MAN1A1: variants seen among roughly 807,000 people sequenced by gnomAD.
MAN1A1 encodes mannosyl-oligosaccharide 1,2-alpha-mannosidase IA.
MAN1A1 carries 29 observed loss-of-function variants against 70.8 expected under a neutral mutation model. The ratio of observed to expected loss-of-function variants is 0.41; its 90% CI spans 0.31 to 0.56. The LOEUF (loss-of-function observed/expected upper bound fraction) is 0.56, where lower values mean the gene tolerates loss of function less well. MAN1A1 is among the 20% of genes least tolerant of loss of function. The pLI is 0.29. For missense variants in MAN1A1, 747 were observed against 841.3 expected, an observed-to-expected ratio of 0.89 and a Z score of 1.39; for synonymous variants, 349 against 330.1, an observed-to-expected ratio of 1.06 and a Z score of -0.62.
At chr6:119,314,170 C>T (rs1772787804) in intron 2 of MAN1A1, among the ~76,000 whole-genome samples, 1 of 152,202 alleles carries the variant, frequency 6.6e-6, no homozygotes, top group African/African-American at 2.4e-5. Flanking sequence ...CCCTTCAGGG[C>T]CAGCTTCCCG....
At chr6:119,297,735 C>CTTTTT (rs386408421) in intron 4 of MAN1A1, among the ~76,000 whole-genome samples, 6 of 95,686 alleles carry the variant, frequency 6.3e-5, no homozygotes, top group East Asian at 3.1e-4. Context: ...AAATAGTTTC[C>CTTTTT]TTTTTTTTTT....
intron 2 of MAN1A1, among the ~76,000 whole-genome samples, chr6:119,345,353 T>C (rs1773699771): frequency 6.6e-6 from 1 of 152,216 alleles, no homozygotes. Context: ...GAGTACAATT[T>C]TAAGATCAAA....
At chr6:119,317,421 A>G (rs1428362060) in intron 2 of MAN1A1, among the ~76,000 whole-genome samples, 2 of 152,158 alleles carry the variant, frequency 1.3e-5, no homozygotes, top group Non-Finnish European at 2.9e-5. Flanking sequence ...CCAGTAATTT[A>G]CTGTCTGCAT....
At chr6:119,199,877 G>A (rs1307191771) in intron 8 of MAN1A1, among the ~76,000 whole-genome samples, 1 of 151,904 alleles carries the variant, frequency 6.6e-6, no homozygotes, top group Non-Finnish European at 1.5e-5. Context: ...GCAATGAGCT[G>A]AGATTATGAC....
chr6:119,227,453 C>T (rs939974689), intron 6 of MAN1A1, among the ~76,000 whole-genome samples: 32 of 152,120 alleles, frequency 2.1e-4, no homozygotes, highest in Non-Finnish European at 2.6e-4. Flanking sequence ...AAAGCAAAAA[C>T]GAATGGAACG....
chr6:119,347,766 G>T (rs930108304), intron 2 of MAN1A1, among the ~76,000 whole-genome samples: 2 of 152,194 alleles, frequency 1.3e-5, no homozygotes, highest in Non-Finnish European at 1.5e-5. Context: ...AGGAAATTAG[G>T]AAAGATGTAT....
At chr6:119,180,258 C>A in intron 12 of MAN1A1, 54 bp downstream of exon 12, 2 of 1,217,370 alleles carry the variant, frequency 1.6e-6, no homozygotes, top group Non-Finnish European at 2.4e-6. Flanking sequence ...AAGACATCTA[C>A]AAAGATCTGT....
chr6:119,342,768 T>C (rs923158201), intron 2 of MAN1A1, among the ~76,000 whole-genome samples: 2 of 152,198 alleles, frequency 1.3e-5, no homozygotes, highest in African/African-American at 4.8e-5. Flanking sequence ...TTAGGTTAGC[T>C]GTCATTCTTC....
In MAN1A1 at chr6:119,178,926, A is replaced by G. The variant is rs1027601430; in HGVS notation, c.*893T>C. 6.6e-6 allele frequency: 1 copy of G among 152,132 alleles called. No individual in the cohort carries two copies. The highest frequency in any genetic ancestry group is 2.4e-5 in the African/African-American group (1 of 41,438). The allele number at this position is 152,132 out of a possible 1,614,324, so 9.4% of individuals were successfully genotyped here. A position where few individuals can be genotyped will look rare whatever the true frequency, so the allele number is the denominator to read the frequency against. Reference sequence around the variant, plus strand: ...ACAAGTGAACTAAAAGCCATATGAAATACCCTCTCTTTAGACAGACCCAAT... The same window carrying G: ...ACAAGTGAACTAAAAGCCATATGAAGTACCCTCTCTTTAGACAGACCCAAT... On this transcript the variant is annotated 3_prime_UTR_variant, in exon 13 of 13. Transcript: ENST00000368468.
chr6:119,195,702 C>T (rs775612559), intron 8 of MAN1A1, among the ~76,000 whole-genome samples: 1 of 152,118 alleles, frequency 6.6e-6, no homozygotes, highest in Non-Finnish European at 1.5e-5. Context: ...AAATAACTGA[C>T]GAACAAAGCA....
chr6:119,208,654 A>G (rs955917520), intron 6 of MAN1A1, among the ~76,000 whole-genome samples: 1 of 152,248 alleles, frequency 6.6e-6, no homozygotes, highest in Non-Finnish European at 1.5e-5. Flanking sequence ...AAGGAACCAC[A>G]GTACTAATGG....
At chr6:119,269,948 A>T (rs959563037) in intron 5 of MAN1A1, among the ~76,000 whole-genome samples, 2 of 152,200 alleles carry the variant, frequency 1.3e-5, no homozygotes, top group Admixed American at 1.3e-4. Flanking sequence ...TGCATGCTTC[A>T]CTGCCCATGG....
intron 6 of MAN1A1, among the ~76,000 whole-genome samples, chr6:119,233,702 TTGCTCCCATCCCTTGG>T (rs1419840737): frequency 2.0e-5 from 3 of 152,164 alleles, no homozygotes; most frequent in South Asian, 2.1e-4. Context: ...CAGACATACA[TTGCTCCCATCCCTTGG>T]TGCTTCTGTG....
At chr6:119,195,511 G>C (rs1416842890) in intron 8 of MAN1A1, among the ~76,000 whole-genome samples, 1 of 152,104 alleles carries the variant, frequency 6.6e-6, no homozygotes, top group Non-Finnish European at 1.5e-5. Flanking sequence ...AATGCCACTA[G>C]GTTCCTTTGT....
chr6:119,283,683 C>A (rs1776280070), intron 5 of MAN1A1, among the ~76,000 whole-genome samples: 1 of 151,842 alleles, frequency 6.6e-6, no homozygotes, highest in African/African-American at 2.4e-5. Context: ...TTAAGAAGCA[C>A]ACAGATGGGC....
At chr6:119,310,899 T>C (rs1331698866) in intron 2 of MAN1A1, among the ~76,000 whole-genome samples, 1 of 152,204 alleles carries the variant, frequency 6.6e-6, no homozygotes, top group Non-Finnish European at 1.5e-5. Context: ...TTTTCCTCTT[T>C]GCCTGCTGAG....
At chr6:119,295,745 G>C (rs1239171828) in intron 4 of MAN1A1, among the ~76,000 whole-genome samples, 1 of 152,114 alleles carries the variant, frequency 6.6e-6, no homozygotes, top group Admixed American at 6.6e-5. Flanking sequence ...TCCAAACTCT[G>C]TATCAGCTTT....
At chr6:119,315,254 A>T (rs1282459474) in intron 2 of MAN1A1, among the ~76,000 whole-genome samples, 1 of 152,252 alleles carries the variant, frequency 6.6e-6, no homozygotes, top group Non-Finnish European at 1.5e-5. Flanking sequence ...ATAAAGAAAC[A>T]GTAATTATTT....
intron 5 of MAN1A1, among the ~76,000 whole-genome samples, chr6:119,277,235 G>A (rs945929074): frequency 1.3e-5 from 2 of 151,960 alleles, no homozygotes; most frequent in African/African-American, 4.8e-5. Context: ...CCTCTCTTGG[G>A]AAAACATTTC....
Sources: gnomAD v4.1 joint callset for allele counts (sites outside exome capture counted in the v4.1 genomes callset) on GRCh38, gnomAD v4.1.1 for gene constraint, MANE v1.5 for transcripts, NCBI Gene and HGNC (gene_info 2026-07-23, HGNC 2026-07-21) for gene names.